SRP19: variants seen among roughly 807,000 people sequenced by gnomAD.
SRP19 encodes the protein signal recognition particle 19 kDa protein.
A neutral mutation model predicts 22.4 loss-of-function variants in SRP19; 11 were observed. The observed-to-expected ratio is 0.49, with a 90% CI of 0.31 to 0.81. SRP19 has a LOEUF of 0.81. SRP19 is among the 40% of genes least tolerant of loss of function. The probability of loss-of-function intolerance (pLI) is 0.05; values close to 1 mark genes in which losing one functional copy is unlikely to be tolerated. For missense variants in SRP19, 168 were observed against 175.9 expected (o/e 0.96, Z 0.25); for synonymous variants, 61 against 57.6 (o/e 1.06, Z -0.27).
chr5:112,892,507 T>C lies in SRP19; in HGVS notation c.*900T>C, dbSNP rs776804788. 9 of 1,614,018 alleles carry C rather than the reference T, an allele frequency of 5.6e-6. No individual in the cohort carries two copies. In the Middle Eastern group the frequency reaches 6.6e-4, roughly 118 times the overall value. The stretch of plus-strand genomic sequence containing the variant: ...GGAAGAAGAATGCCAAGCAGCCCTT[T>C]CTCTGTTTAACGGACGATGGTATGC... On this transcript the variant is annotated 3_prime_UTR_variant, in exon 5 of 5. Transcript: ENST00000391338.
chr5:112,882,798 C>T (rs1023196465), intron 4 of SRP19, among the ~76,000 whole-genome samples: 6 of 152,210 alleles, frequency 3.9e-5, no homozygotes, highest in Admixed American at 2.0e-4. Flanking sequence ...CCCTCTCCTT[C>T]GCAACTATTT....
intron 4 of SRP19, among the ~76,000 whole-genome samples, chr5:112,866,555 C>T (rs10078107): frequency 0.02 from 3,002 of 152,184 alleles, 90 homozygotes; most frequent in African/African-American, 0.069. Flanking sequence ...GTCTCAAACT[C>T]GTGGACACAA....
At chr5:112,887,287 TA>T (rs1580732721) in intron 4 of SRP19, 1 of 1,114,916 alleles carries the variant, frequency 9.0e-7, no homozygotes, top group East Asian at 2.8e-5. Flanking sequence ...ATGCCTCTGT[TA>T]TTTTCCCCAA....
intron 4 of SRP19, among the ~76,000 whole-genome samples, chr5:112,886,565 G>T (rs1319650594): frequency 6.6e-6 from 1 of 152,252 alleles, no homozygotes; most frequent in African/African-American, 2.4e-5. Flanking sequence ...TAAAGATCAA[G>T]AATTTTTTGT....
intron 4 of SRP19, among the ~76,000 whole-genome samples, chr5:112,888,219 C>G (rs1470951719): frequency 6.6e-6 from 1 of 152,174 alleles, no homozygotes; most frequent in East Asian, 1.9e-4. Context: ...TCATAATCAA[C>G]AAGCTATGAT....
chr5:112,888,083 C>G (rs1400386004), intron 4 of SRP19, among the ~76,000 whole-genome samples: 1 of 152,206 alleles, frequency 6.6e-6, no homozygotes, highest in African/African-American at 2.4e-5. Context: ...TACAAAAAAA[C>G]AGAAGTCACT....
At chr5:112,862,407 A>G (rs1390630363) in intron 1 of SRP19, 101 bp from the exon 2 acceptor site, 61 of 948,752 alleles carry the variant, frequency 6.4e-5, no homozygotes, top group Non-Finnish European at 9.4e-5. Flanking sequence ...CCCATCTGAT[A>G]TCTAGGCAGC....
At chr5:112,895,743 T>G (rs940556072), downstream of SRP19, 1 of 152,240 alleles carries the variant, frequency 6.6e-6, no homozygotes, top group Non-Finnish European at 1.5e-5. Context: ...CAACCCTCTC[T>G]TCTTAATCTG....
chr5:112,870,800 C>T (rs1767739768), downstream of SRP19, among the ~76,000 whole-genome samples: 4 of 152,196 alleles, frequency 2.6e-5, no homozygotes, highest in Admixed American at 2.0e-4. Flanking sequence ...TCACCTTCCA[C>T]CATGGGATCA....
exon 5 of SRP19, chr5:112,892,573 T>A: frequency 6.2e-7 from 1 of 1,614,054 alleles, no homozygotes. Context: ...AGTGACCCGG[T>A]GGAAAATGGC....
At chr5:112,867,019 G>C (rs1378555868) in intron 4 of SRP19, among the ~76,000 whole-genome samples, 1 of 151,976 alleles carries the variant, frequency 6.6e-6, no homozygotes, top group African/African-American at 2.4e-5. Context: ...CTGTTTTTTT[G>C]TTGTAAGACT....
intron 4 of SRP19, among the ~76,000 whole-genome samples, chr5:112,889,782 G>A (rs1768375832): frequency 6.7e-6 from 1 of 149,180 alleles, no homozygotes; most frequent in African/African-American, 2.5e-5. Flanking sequence ...AGAGTTTTGA[G>A]ACTAGCCTGT....
At chr5:112,865,784 G>A (rs146293109) in intron 4 of SRP19, among the ~76,000 whole-genome samples, 1,807 of 152,212 alleles carry the variant, frequency 0.012, 9 homozygotes, top group Middle Eastern at 0.034. Flanking sequence ...GATAGAGATG[G>A]GGTTTCGCCA....
intron 1 of SRP19, 132 bp downstream of exon 1, chr5:112,861,549 C>A: frequency 1.1e-6 from 1 of 929,042 alleles, no homozygotes; most frequent in Non-Finnish European, 1.6e-6. Flanking sequence ...ACGGGCCCCG[C>A]GCCTCTCCCT....
At chr5:112,880,981 C>T (rs1437850513) in intron 4 of SRP19, among the ~76,000 whole-genome samples, 1 of 151,818 alleles carries the variant, frequency 6.6e-6, no homozygotes, top group Non-Finnish European at 1.5e-5. Flanking sequence ...ATACAAGTAT[C>T]AGCTGGGCGT....
At chr5:112,871,217 A>T (rs1188341932), downstream of SRP19, among the ~76,000 whole-genome samples, 4 of 142,064 alleles carry the variant, frequency 2.8e-5, no homozygotes, top group Non-Finnish European at 6.1e-5. Flanking sequence ...GTTTCTTCAC[A>T]TTATTGCAAT....
chr5:112,897,370 C>G (rs1008361399), downstream of SRP19: 1 of 150,984 alleles, frequency 6.6e-6, no homozygotes, highest in Non-Finnish European at 1.5e-5. Context: ...CACACACACA[C>G]ACACACACAC....
downstream of SRP19, among the ~76,000 whole-genome samples, chr5:112,872,097 G>GC (rs1397209920): frequency 2.0e-5 from 3 of 152,082 alleles, no homozygotes; most frequent in Non-Finnish European, 4.4e-5. Context: ...CCATATGCTT[G>GC]CATATTTCCT....
chr5:112,872,528 T>A (rs908015846), downstream of SRP19, among the ~76,000 whole-genome samples: 3 of 151,984 alleles, frequency 2.0e-5, no homozygotes, highest in Non-Finnish European at 2.9e-5. Context: ...GGGGTTTCGC[T>A]GTGTTGGCCA....
Sources: allele counts gnomAD v4.1 joint callset (sites outside exome capture counted in the v4.1 genomes callset), GRCh38; gene constraint gnomAD v4.1.1; transcripts MANE v1.5; gene names NCBI Gene and HGNC (gene_info 2026-07-23, HGNC 2026-07-21).